CCDC181: variants seen among roughly 807,000 people sequenced by gnomAD.
The protein encoded by CCDC181 is coiled-coil domain containing 181.
Under a neutral mutation model 58.7 loss-of-function variants are expected in CCDC181, and 35 were observed. That is an observed-to-expected ratio of 0.60 (90% CI 0.46 to 0.79). The LOEUF is 0.79. Among genes scored for constraint, CCDC181 ranks in the 30% least tolerant of loss-of-function variants. The pLI is 0.00. For synonymous variants in CCDC181, 183 were observed against 197.5 expected, an observed-to-expected ratio of 0.93 and a Z score of 0.62; for missense variants, 517 against 583.9, an observed-to-expected ratio of 0.89 and a Z score of 1.18.
In CCDC181 at chr1:169,395,008, T is replaced by A. The variant is rs558912624; in HGVS notation, c.*39A>T. 35 of 1,532,516 alleles carry A rather than the reference T, an allele frequency of 2.3e-5. No homozygotes were observed. The South Asian group carries it at 4.1e-4, about 18-fold the overall frequency. 94.9% of individuals were successfully genotyped at this position (1,532,516 alleles called of 1,614,324 possible). A position where few individuals can be genotyped will look rare whatever the true frequency, so the allele number is the denominator to read the frequency against. On this transcript the variant is annotated 3_prime_UTR_variant, in exon 6 of 6. Transcript: ENST00000367806. ...ACCCTAAGAAATCATATCCAAAATTTTGATAGCAGCTGCCCACTGAAATAT... is the reference window on the plus strand; with the variant it reads ...ACCCTAAGAAATCATATCCAAAATTATGATAGCAGCTGCCCACTGAAATAT...
At chr1:169,404,588 A>T (rs527599624) in intron 4 of CCDC181, among the ~76,000 whole-genome samples, 1 of 152,364 alleles carries the variant, frequency 6.6e-6, no homozygotes, top group South Asian at 2.1e-4. Flanking sequence ...GATGCAGAAA[A>T]GGCCTTCGAA....
At chr1:169,404,297 C>T (rs1406898169) in intron 4 of CCDC181, among the ~76,000 whole-genome samples, 1 of 152,200 alleles carries the variant, frequency 6.6e-6, no homozygotes, top group Non-Finnish European at 1.5e-5. Flanking sequence ...AGGGAATCCT[C>T]CCTAACTCGT....
chr1:169,435,210 A>C (rs970928991), intron 2 of CCDC181, among the ~76,000 whole-genome samples: 10 of 152,096 alleles, frequency 6.6e-5, no homozygotes, highest in African/African-American at 2.4e-4. Flanking sequence ...TATGTTATGA[A>C]AGAAGCCAGA....
rs1553210672 is a variant in CCDC181 at position 169,458,174 on chromosome 1, T to TG, written c.-24+1622dup. On this transcript the variant is annotated intron_variant, in intron 2 of 6. Transcript: ENST00000545005. ...CAAAGGCTGGGGCAAAAGTAATTTT[T>TG]GTTTTTTTTTTTTTGTTTTGTTTTT... Among the ~76,000 whole-genome samples the TG allele has an allele frequency of 1.8e-4, 22 of 123,276 alleles. 1 individual carries two copies. The South Asian group carries it at 2.9e-3, about 16-fold the overall frequency. 80.9% of individuals were successfully genotyped at this position (123,276 alleles called of 152,430 possible). A position where few individuals can be genotyped will look rare whatever the true frequency, so the allele number is the denominator to read the frequency against.
At chr1:169,428,787 C>T (rs1656818222), upstream of CCDC181, among the ~76,000 whole-genome samples, 1 of 152,130 alleles carries the variant, frequency 6.6e-6, no homozygotes, top group African/African-American at 2.4e-5. Flanking sequence ...CCCAGAGTAG[C>T]TGAAACTACA....
intron 4 of CCDC181, among the ~76,000 whole-genome samples, chr1:169,418,276 A>T (rs1256721886): frequency 6.6e-6 from 1 of 152,220 alleles, no homozygotes; most frequent in Non-Finnish European, 1.5e-5. Flanking sequence ...ATGGCTTAAT[A>T]AATTAACACT....
chr1:169,432,258 A>G (rs1202555059), upstream of CCDC181, among the ~76,000 whole-genome samples: 5 of 152,278 alleles, frequency 3.3e-5, no homozygotes, highest in East Asian at 9.6e-4. Flanking sequence ...AGAAAGAATC[A>G]GTGAACTTAA....
chr1:169,446,726 G>T (rs1441303129), intron 2 of CCDC181, among the ~76,000 whole-genome samples: 1 of 152,168 alleles, frequency 6.6e-6, no homozygotes, highest in East Asian at 1.9e-4. Flanking sequence ...ATGATTTAAA[G>T]TTTACAGAAG....
upstream of CCDC181, among the ~76,000 whole-genome samples, chr1:169,428,066 A>C (rs1340270349): frequency 6.6e-6 from 1 of 152,236 alleles, no homozygotes; most frequent in Non-Finnish European, 1.5e-5. Flanking sequence ...TCCTCAGTAC[A>C]ATCCAGTGTG....
rs1249284340 is a variant in CCDC181, at chr1:169,395,098, G to C, written c.1479C>G (p.His493Gln). The change falls in exon 6 of 6, where the codon CAC becomes CAG. Residue 493 changes from histidine to glutamine, a missense_variant. Physicochemically the swap from His to Gln is conservative, Grantham distance 24. Coordinates refer to ENST00000367806, the MANE Select transcript of CCDC181 (RefSeq NM_001300969.2). ...EAKRSKQLQH[H>Q]LYMSEAKPFR... ...AAGGTTTGGCTTCTGACATATATAG[G>C]TGGTGCTGTAACTGTTTAGAACGCT... 1.2e-6 allele frequency: 2 copies of C among 1,613,164 alleles called. No homozygotes were observed. The highest frequency in any genetic ancestry group is 1.7e-6 in the Non-Finnish European group (2 of 1,179,664).
intron 2 of CCDC181, among the ~76,000 whole-genome samples, chr1:169,451,506 A>G (rs1657538261): frequency 6.6e-6 from 1 of 152,100 alleles, no homozygotes; most frequent in African/African-American, 2.4e-5. Context: ...CTGGTCTAAC[A>G]TGGCAGTAAA....
At chr1:169,400,833 C>A (rs1234176091) in intron 4 of CCDC181, among the ~76,000 whole-genome samples, 2 of 151,994 alleles carry the variant, frequency 1.3e-5, no homozygotes, top group Admixed American at 1.3e-4. Flanking sequence ...GGGTGCAGCC[C>A]ACAGAGCACA....
intron 2 of CCDC181, among the ~76,000 whole-genome samples, chr1:169,439,340 G>A (rs1433518466): frequency 6.6e-6 from 1 of 152,210 alleles, no homozygotes; most frequent in Non-Finnish European, 1.5e-5. Flanking sequence ...GCTACAGAGA[G>A]ACACCCTGTG....
chr1:169,450,279 A>C (rs1657499984), intron 2 of CCDC181, among the ~76,000 whole-genome samples: 1 of 152,124 alleles, frequency 6.6e-6, no homozygotes, highest in Non-Finnish European at 1.5e-5. Context: ...AGAATGTTCT[A>C]GGCCTACTTT....
chr1:169,448,851 T>C (rs1016962661), intron 2 of CCDC181, among the ~76,000 whole-genome samples: 1 of 152,208 alleles, frequency 6.6e-6, no homozygotes, highest in African/African-American at 2.4e-5. Context: ...TGTTCCTTTT[T>C]TAAATTCACT....
chr1:169,449,556 C>T (rs1311894407), intron 2 of CCDC181, among the ~76,000 whole-genome samples: 1 of 152,366 alleles, frequency 6.6e-6, no homozygotes, highest in African/African-American at 2.4e-5. Flanking sequence ...AGTCCCAAAA[C>T]CTCAAAAGCA....
chr1:169,453,215 G>A (rs1377865618), intron 2 of CCDC181, among the ~76,000 whole-genome samples: 1 of 151,972 alleles, frequency 6.6e-6, no homozygotes, highest in Non-Finnish European at 1.5e-5. Flanking sequence ...AAAGGACATT[G>A]TATTTCTATT....
intron 4 of CCDC181, among the ~76,000 whole-genome samples, chr1:169,403,137 T>C (rs1488015641): frequency 1.3e-5 from 2 of 152,072 alleles, no homozygotes; most frequent in Non-Finnish European, 2.9e-5. Context: ...ATGCACCCAA[T>C]ACAGGAGCAC....
At chr1:169,395,872 TTTG>T (rs1185669009) in intron 5 of CCDC181, 55 of 124,744 alleles carry the variant, frequency 4.4e-4, no homozygotes, top group African/African-American at 1.2e-3. Flanking sequence ...TACACCTGGT[TTTG>T]TTGTTTTTTT....
Sources: allele counts gnomAD v4.1 joint callset (sites outside exome capture counted in the v4.1 genomes callset), GRCh38; gene constraint gnomAD v4.1.1; transcripts MANE v1.5; gene names NCBI Gene and HGNC (gene_info 2026-07-23, HGNC 2026-07-21).